Variants in PTPRA observed in about 807,000 individuals in gnomAD.
PTPRA encodes the protein protein tyrosine phosphatase receptor type A.
PTPRA carries 25 observed loss-of-function variants against 104.8 expected under a neutral mutation model. That is an observed-to-expected ratio of 0.24 (90% CI 0.17 to 0.33). The LOEUF is 0.33. PTPRA is among the 10% of genes least tolerant of loss of function. The pLI is 1.00. For synonymous variants in PTPRA, 323 were observed against 368.9 expected (o/e 0.88, Z 1.43); for missense variants, 765 against 1,015.3 (o/e 0.75, Z 3.35).
rs762966352 is a variant in PTPRA at position 3,022,071 on chromosome 20, C to A, written c.1179C>A (p.Asn393Lys). The change falls in exon 15 of 24, where the codon AAC becomes AAA. Residue 393 changes from asparagine (N) to lysine (K), a missense_variant. This residue lies in a region of PTPRA where 245 missense variants were observed against 398.7 expected (regional missense o/e 0.61). Coordinates refer to ENST00000399903, the MANE Select transcript of PTPRA (RefSeq NM_001385305.1). This position sits in a 1 kb window ranked among gnomAD's most constrained non-coding sequence, Gnocchi z 4.6. The stretch of plus-strand genomic sequence containing the variant: ...CTTCACAGGTGGGCGACATGACCAA[C>A]AGAAAGCCACAGCGCCTCATCACTC... ...FCIQQVGDMTNRKPQRLITQF... is the reference protein window; with the variant it reads ...FCIQQVGDMTKRKPQRLITQF... The A allele has an allele frequency of 1.3e-5, 21 of 1,614,210 alleles. No homozygotes were observed. The highest frequency in any genetic ancestry group is 1.7e-5 in the Non-Finnish European group (20 of 1,180,016).
chr20:2,996,971 G>A (rs1426056778), intron 9 of PTPRA, among the ~76,000 whole-genome samples: 2 of 152,070 alleles, frequency 1.3e-5, no homozygotes, highest in Non-Finnish European at 2.9e-5. Flanking sequence ...CATGTACAAA[G>A]ATGTTTATGA....
At chr20:2,899,319 C>G (rs1028234138) in intron 1 of PTPRA, among the ~76,000 whole-genome samples, 2 of 152,048 alleles carry the variant, frequency 1.3e-5, no homozygotes, top group Non-Finnish European at 2.9e-5. Flanking sequence ...CACAGAGAGG[C>G]CAATATTATT....
At chr20:2,922,577 G>T (rs191304657) in intron 1 of PTPRA, among the ~76,000 whole-genome samples, 244 of 151,796 alleles carry the variant, frequency 1.6e-3, no homozygotes, top group African/African-American at 5.5e-3. Context: ...TGACTTCTCA[G>T]GTGATCCGCC....
intron 3 of PTPRA, among the ~76,000 whole-genome samples, chr20:2,963,089 CTA>C (rs1469697217): frequency 1.3e-5 from 2 of 152,144 alleles, no homozygotes; most frequent in Non-Finnish European, 2.9e-5. Context: ...GGACATGCTA[CTA>C]TCTTACATGG....
At chr20:2,973,133 CTT>C (rs200708559) in intron 5 of PTPRA, among the ~76,000 whole-genome samples, 1 of 144,498 alleles carries the variant, frequency 6.9e-6, no homozygotes, top group Non-Finnish European at 1.5e-5. Context: ...TTTATGTCTC[CTT>C]TTTTTTTTTG....
chr20:2,944,290 C>T (rs553538171), intron 2 of PTPRA, among the ~76,000 whole-genome samples: 1 of 152,260 alleles, frequency 6.6e-6, no homozygotes, highest in Admixed American at 6.5e-5. Context: ...GATCCACCTG[C>T]CTCGGCCTCC....
chr20:2,918,667 C>T (rs976094541), intron 1 of PTPRA, among the ~76,000 whole-genome samples: 21 of 152,166 alleles, frequency 1.4e-4, no homozygotes, highest in Non-Finnish European at 2.9e-5. Context: ...CACATTGCAC[C>T]ATACTTAGGA....
upstream of PTPRA, among the ~76,000 whole-genome samples, chr20:2,870,068 G>A (rs2089410205): frequency 1.1e-5 from 1 of 88,980 alleles, no homozygotes; most frequent in Non-Finnish European, 2.0e-5. Flanking sequence ...CAAAGTTCCA[G>A]TGAAAGACTC....
At chr20:2,869,708 G>A (rs1014129440), upstream of PTPRA, among the ~76,000 whole-genome samples, 17 of 152,334 alleles carry the variant, frequency 1.1e-4, no homozygotes, top group South Asian at 6.2e-4. Context: ...GCTCATGCCT[G>A]TAATTCCAGC....
chr20:3,037,951 A>T lies in PTPRA; in HGVS notation c.2335-108A>T. On this transcript the variant is annotated intron_variant, in intron 23 of 23. Transcript: ENST00000399903. The surrounding 1 kb of genome is among the most constrained non-coding windows in gnomAD (Gnocchi z 4.3). ...CTCAGGTGAAAGTTCAAAAACATTC[A>T]GTTCCTCTTGATTTTCCATCTTCAA... is the stretch of plus-strand genomic sequence containing the variant. 1 of 945,018 alleles carries T rather than the reference A, an allele frequency of 1.1e-6. No individual in the cohort carries two copies. Among genetic ancestry groups the T allele is most frequent in the Non-Finnish European group, 1.7e-6 (1 of 598,322 alleles). The allele number at this position is 945,018 out of a possible 1,614,324, so 58.5% of individuals were successfully genotyped here.
intron 3 of PTPRA, among the ~76,000 whole-genome samples, chr20:2,958,967 A>G (rs577273499): frequency 5.8e-4 from 88 of 151,906 alleles, no homozygotes; most frequent in Non-Finnish European, 9.4e-4. Flanking sequence ...TGGAGCTCTG[A>G]GATGTTGGAG....
chr20:3,017,710 G>A (rs2064536166), intron 12 of PTPRA, 106 bp from the exon 13 acceptor site: 1 of 865,232 alleles, frequency 1.2e-6, no homozygotes, highest in African/African-American at 1.7e-5. Context: ...TTTAGCTGGG[G>A]ACATTTGGGC....
chr20:2,947,512 T>G (rs532883442), intron 2 of PTPRA, among the ~76,000 whole-genome samples: 1 of 152,330 alleles, frequency 6.6e-6, no homozygotes, highest in East Asian at 1.9e-4. Context: ...TCATCTGACT[T>G]TGCTTTTGTG....
At chr20:3,013,280 A>G (rs989485693) in intron 11 of PTPRA, among the ~76,000 whole-genome samples, 3 of 152,228 alleles carry the variant, frequency 2.0e-5, no homozygotes, top group Admixed American at 1.3e-4. Flanking sequence ...TGGGAAACAC[A>G]TAGGTCAGCT....
chr20:2,984,763 A>G (rs1426674974), intron 6 of PTPRA, among the ~76,000 whole-genome samples: 2 of 152,082 alleles, frequency 1.3e-5, no homozygotes, highest in African/African-American at 4.8e-5. Flanking sequence ...CTGTTTCTTG[A>G]ACCTGCCAAG....
At position 2,879,983 on chromosome 20, in the gene PTPRA, A is replaced by G. The variant is rs550587726; in HGVS notation, c.-129+6223A>G. Among the ~76,000 whole-genome samples, 34 of 152,316 alleles carry G rather than the reference A, an allele frequency of 2.2e-4. No homozygotes were observed. The South Asian group carries it at 6.6e-3, about 30-fold the overall frequency. On this transcript the variant is annotated intron_variant, in intron 1 of 23. Coordinates refer to ENST00000399903, the MANE Select transcript of PTPRA (RefSeq NM_001385305.1). ...ACCTGTATATATATTTTAACTCCCCAGGTGATTCTAATGTGTAGCCAGGCT... is the reference window on the plus strand; with the variant it reads ...ACCTGTATATATATTTTAACTCCCCGGGTGATTCTAATGTGTAGCCAGGCT...
chr20:2,911,713 T>C (rs1330815889), intron 1 of PTPRA, among the ~76,000 whole-genome samples: 4 of 152,070 alleles, frequency 2.6e-5, no homozygotes, highest in Admixed American at 2.6e-4. Context: ...AAAATATAAA[T>C]AGTAAATATG....
At chr20:2,960,030 C>T (rs1281068344) in intron 3 of PTPRA, among the ~76,000 whole-genome samples, 1 of 152,168 alleles carries the variant, frequency 6.6e-6, no homozygotes, top group Non-Finnish European at 1.5e-5. Context: ...TCATTATCCA[C>T]ATCCTACACC....
rs766535818 is a variant in PTPRA, at chr20:2,964,840, C to T, written c.74-21C>T. On this transcript the variant is annotated intron_variant, in intron 4 of 23. Transcript: ENST00000399903. ...CCTCACATTCTTCATGTGCTATTTCCTTGTTTTTTGGTGTTTGTAGTTGCA... is the reference window on the plus strand; with the variant it reads ...CCTCACATTCTTCATGTGCTATTTCTTTGTTTTTTGGTGTTTGTAGTTGCA... The T allele has an allele frequency of 5.7e-6, 9 of 1,575,840 alleles. No homozygotes were observed. The South Asian group carries it at 1.0e-4, about 18-fold the overall frequency.
Sources: allele counts gnomAD v4.1 joint callset (sites outside exome capture counted in the v4.1 genomes callset), GRCh38; gene constraint gnomAD v4.1.1; regional missense constraint gnomAD v4.1.1; non-coding constraint Gnocchi (gnomAD v3.1); transcripts MANE v1.5; gene names NCBI Gene and HGNC (gene_info 2026-07-23, HGNC 2026-07-21).